Variants in TAFA5 observed in about 807,000 individuals in gnomAD.
The protein encoded by TAFA5 is TAFA chemokine like family member 5.
In TAFA5, 6 loss-of-function variants were observed where a neutral mutation model predicts 15.3. The ratio of observed to expected loss-of-function variants is 0.39; its 90% confidence interval spans 0.21 to 0.77. The LOEUF (loss-of-function observed/expected upper bound fraction) is 0.77. TAFA5 is among the 30% of genes least tolerant of loss of function. TAFA5 has a pLI of 0.41. For missense variants in TAFA5, 161 were observed against 193.1 expected (o/e 0.83, Z 0.98); for synonymous variants, 103 against 80.7 (o/e 1.28, Z -1.48).
At chr22:48,662,209 GA>G in intron 2 of TAFA5, among the ~76,000 whole-genome samples, 1 of 152,284 alleles carries the variant, frequency 6.6e-6, no homozygotes, top group South Asian at 2.1e-4. Context: ...GAGCTCACAG[GA>G]ACATGGCGGG....
intron 2 of TAFA5, among the ~76,000 whole-genome samples, chr22:48,702,594 G>C (rs1928945453): frequency 2.0e-5 from 3 of 152,054 alleles, no homozygotes; most frequent in Non-Finnish European, 4.4e-5. Flanking sequence ...GACCCCCCAG[G>C]TTAGCCCCTG....
At chr22:48,706,387 C>T (rs1929079095) in intron 2 of TAFA5, among the ~76,000 whole-genome samples, 1 of 152,208 alleles carries the variant, frequency 6.6e-6, no homozygotes, top group South Asian at 2.1e-4. Context: ...GAGGAAAAGG[C>T]CCACCCTGGC....
intron 2 of TAFA5, among the ~76,000 whole-genome samples, chr22:48,683,255 G>T (rs577333595): frequency 2.0e-4 from 31 of 152,208 alleles, no homozygotes; most frequent in African/African-American, 7.2e-4. Context: ...TTCCTCCCAC[G>T]TAATAAAGAC....
intron 1 of TAFA5, among the ~76,000 whole-genome samples, chr22:48,514,540 A>C (rs750602985): frequency 2.0e-4 from 30 of 152,078 alleles, no homozygotes; most frequent in Non-Finnish European, 1.3e-4. Flanking sequence ...ATCTCTGAGG[A>C]CATGGTCTTT....
At chr22:48,570,433 A>G (rs1923544096) in intron 1 of TAFA5, among the ~76,000 whole-genome samples, 1 of 152,252 alleles carries the variant, frequency 6.6e-6, no homozygotes, top group African/African-American at 2.4e-5. Context: ...AATGAGAAGC[A>G]GGATTTCACC....
chr22:48,513,372 A>G (rs58039023), intron 1 of TAFA5, among the ~76,000 whole-genome samples: 2,754 of 152,354 alleles, frequency 0.018, 123 homozygotes, highest in East Asian at 0.18. Flanking sequence ...CCTCAGGTCC[A>G]CATGAAGGGA....
chr22:48,513,773 G>A (rs1021548147), intron 1 of TAFA5, among the ~76,000 whole-genome samples: 1 of 152,204 alleles, frequency 6.6e-6, no homozygotes, highest in African/African-American at 2.4e-5. Flanking sequence ...GGTCTCCTCG[G>A]TGACTCACAG....
intron 2 of TAFA5, among the ~76,000 whole-genome samples, chr22:48,695,293 G>A (rs909213330): frequency 2.0e-5 from 3 of 152,184 alleles, no homozygotes; most frequent in Non-Finnish European, 2.9e-5. Flanking sequence ...TCTTCTGGGT[G>A]AGACACTGCC....
chr22:48,636,170 C>T (rs1715476243), intron 1 of TAFA5, among the ~76,000 whole-genome samples: 1 of 152,218 alleles, frequency 6.6e-6, no homozygotes, highest in South Asian at 2.1e-4. Context: ...CGTCAGCTGG[C>T]CAGGTCGCTT....
chr22:48,663,544 A>T (rs574742138), intron 2 of TAFA5, among the ~76,000 whole-genome samples: 1 of 152,374 alleles, frequency 6.6e-6, no homozygotes, highest in South Asian at 2.1e-4. Flanking sequence ...TTGCAGGCAT[A>T]CTTGTTCAGA....
chr22:48,594,814 T>C (rs1924703120), intron 1 of TAFA5, among the ~76,000 whole-genome samples: 1 of 151,826 alleles, frequency 6.6e-6, no homozygotes, highest in Non-Finnish European at 1.5e-5. Context: ...CCTGCCAGGA[T>C]GCTCCGCTGT....
At chr22:48,542,038 G>T (rs1922393891) in intron 1 of TAFA5, among the ~76,000 whole-genome samples, 2 of 152,122 alleles carry the variant, frequency 1.3e-5, no homozygotes, top group South Asian at 2.1e-4. Context: ...TGTTCAGATT[G>T]GAGGGGCCGG....
chr22:48,620,522 G>GT (rs1569050803), intron 1 of TAFA5, among the ~76,000 whole-genome samples: 1 of 136,680 alleles, frequency 7.3e-6, no homozygotes, highest in Admixed American at 7.7e-5. Context: ...TTCTATTTTT[G>GT]TTTTTTGATG....
chr22:48,642,939 G>A (rs1438330979), intron 1 of TAFA5, among the ~76,000 whole-genome samples: 2 of 152,168 alleles, frequency 1.3e-5, no homozygotes, highest in African/African-American at 4.8e-5. Context: ...GGCTGCCCTG[G>A]CCCTGTCAGT....
chr22:48,585,020 CCA>C (rs909036145), intron 1 of TAFA5, among the ~76,000 whole-genome samples: 1 of 135,284 alleles, frequency 7.4e-6, no homozygotes, highest in Non-Finnish European at 1.6e-5. Context: ...GCAGAATACA[CCA>C]CACACACTAG....
At chr22:48,664,830 C>G (rs1172062968) in intron 2 of TAFA5, among the ~76,000 whole-genome samples, 2 of 152,214 alleles carry the variant, frequency 1.3e-5, no homozygotes, top group African/African-American at 4.8e-5. Flanking sequence ...ATCTATCTGT[C>G]TGTGCCAAGG....
intron 3 of TAFA5, among the ~76,000 whole-genome samples, chr22:48,719,782 A>G (rs1431927247): frequency 6.6e-6 from 1 of 152,230 alleles, no homozygotes; most frequent in Non-Finnish European, 1.5e-5. Context: ...ACCGCTATTC[A>G]TCACCACGAT....
chr22:48,536,284 A>G (rs1271385366), intron 1 of TAFA5, among the ~76,000 whole-genome samples: 1 of 152,198 alleles, frequency 6.6e-6, no homozygotes, highest in East Asian at 1.9e-4. Context: ...TTTGTGGGGC[A>G]ACATAGAGGG....
intron 2 of TAFA5, among the ~76,000 whole-genome samples, chr22:48,657,336 A>T (rs545057097): frequency 1.1e-4 from 17 of 152,366 alleles, no homozygotes; most frequent in Non-Finnish European, 2.2e-4. Flanking sequence ...TCTAGAGGAA[A>T]CAAACAGTTT....
Sources: allele counts gnomAD v4.1 joint callset (sites outside exome capture counted in the v4.1 genomes callset), GRCh38; gene constraint gnomAD v4.1.1; transcripts MANE v1.5; gene names NCBI Gene and HGNC (gene_info 2026-07-23, HGNC 2026-07-21).